The following ZNF99 variants were observed in gnomAD, a reference collection of about 807,000 sequenced individuals.
The protein encoded by ZNF99 is zinc finger protein ENSP00000375192.
A neutral mutation model predicts 12.8 loss-of-function variants in ZNF99; 8 were observed. That is an observed-to-expected ratio of 0.62 (90% confidence interval 0.37 to 1.13). The LOEUF is 1.13. ZNF99 is among the 50% of genes most tolerant of loss of function. The probability of loss-of-function intolerance (pLI) is 0.02; values close to 1 mark genes in which losing one functional copy is unlikely to be tolerated. For synonymous variants in ZNF99, 318 were observed against 319.0 expected (o/e 1.00, Z 0.03); for missense variants, 1,007 against 1,006.2 (o/e 1.00, Z -0.01).
intron 1 of ZNF99, among the ~76,000 whole-genome samples, chr19:22,770,203 G>A (rs1446165451): frequency 3.3e-5 from 5 of 152,126 alleles, no homozygotes; most frequent in South Asian, 4.1e-4. Context: ...AAACAAAGAC[G>A]AGAGCCCTCA....
At chr19:22,763,655 A>G (rs1973173384) in intron 3 of ZNF99, among the ~76,000 whole-genome samples, 1 of 152,144 alleles carries the variant, frequency 6.6e-6, no homozygotes, top group Admixed American at 6.5e-5. Flanking sequence ...GAACAAAAAA[A>G]GAGCCTGCAT....
intron 3 of ZNF99, among the ~76,000 whole-genome samples, chr19:22,763,720 C>T (rs1311471390): frequency 2.0e-5 from 3 of 152,048 alleles, no homozygotes; most frequent in African/African-American, 7.2e-5. Flanking sequence ...CACTACCTGA[C>T]TTCAAACTAT....
At position 22,757,896 on chromosome 19, in the gene ZNF99, A is replaced by G. The variant is rs775561073; in HGVS notation, c.2013T>C (p.His671=). ...CACATTTGTAGGGTTTCTCTTCAGTATGAATTACTTTATGTCTAGTAAGGT... is the reference window on the plus strand; with the variant it reads ...CACATTTGTAGGGTTTCTCTTCAGTGTGAATTACTTTATGTCTAGTAAGGT... ...SSHLTRHKVI[H]TEEKPYKCEE... is the part of the protein sequence containing the mutation. The change falls in exon 4 of 4, where the codon CAT becomes CAC. Residue 671 remains histidine, a synonymous_variant. Coordinates refer to ENST00000596209, the MANE Select transcript of ZNF99 (RefSeq NM_001080409.3). 3.1e-6 allele frequency: 5 copies of G among 1,612,604 alleles called. No individual in the cohort carries two copies. The highest frequency in any genetic ancestry group is 3.3e-5 in the Admixed American group (2 of 59,934).
intron 3 of ZNF99, among the ~76,000 whole-genome samples, chr19:22,762,217 C>A (rs55903742): frequency 0.35 from 53,471 of 151,658 alleles, 9,946 homozygotes; most frequent in African/African-American, 0.5. Flanking sequence ...CTCTTTAAAA[C>A]GCATAAATAC....
chr19:22,761,020 A>G (rs1288904289), intron 3 of ZNF99, among the ~76,000 whole-genome samples: 1 of 151,962 alleles, frequency 6.6e-6, no homozygotes, highest in Non-Finnish European at 1.5e-5. Context: ...TGTAACAGGT[A>G]GCTTTTTTGA....
intron 1 of ZNF99, among the ~76,000 whole-genome samples, chr19:22,776,138 A>C (rs1175078128): frequency 7.3e-5 from 11 of 150,928 alleles, no homozygotes. Flanking sequence ...ATCACTTGAG[A>C]TCAGGAGTTT....
chr19:22,755,535 A>C lies in ZNF99; in HGVS notation c.*1779T>G. 1 of 308,836 alleles carries C rather than the reference A, an allele frequency of 3.2e-6. No homozygotes were observed. The allele number at this position is 308,836 out of a possible 1,614,324, so 19.1% of individuals were successfully genotyped here. A position where few individuals can be genotyped will look rare whatever the true frequency, so the allele number is the denominator to read the frequency against. ...GCTTTGCCACATTCTTCACATTTGT[A>C]AAGTATCTCTCCAGTATGAATTATC... is the stretch of plus-strand genomic sequence containing the variant. On this transcript the variant is annotated 3_prime_UTR_variant, in exon 4 of 4. Transcript: ENST00000596209.
At chr19:22,780,215 T>C (rs1055223908) in intron 1 of ZNF99, among the ~76,000 whole-genome samples, 1 of 152,204 alleles carries the variant, frequency 6.6e-6, no homozygotes, top group Non-Finnish European at 1.5e-5. Context: ...TTAATCTTCA[T>C]GTCAGAGTTA....
intron 1 of ZNF99, among the ~76,000 whole-genome samples, chr19:22,772,406 C>T (rs557229656): frequency 3.3e-5 from 5 of 152,178 alleles, no homozygotes; most frequent in Admixed American, 6.5e-5. Context: ...AAAAGAAGGT[C>T]GGGTACGGTG....
chr19:22,766,712 C>T (rs1354382743), intron 3 of ZNF99, among the ~76,000 whole-genome samples: 4 of 149,708 alleles, frequency 2.7e-5, no homozygotes, highest in Non-Finnish European at 4.4e-5. Flanking sequence ...AGTGCAATGG[C>T]GCCATCTCGG....
Position 22,752,928 on chromosome 19 carries a change from G to C in ZNF99, c.*4386C>G, listed in dbSNP as rs914203855. 8.6e-5 allele frequency: 13 copies of C among 152,012 alleles called. No individual in the cohort carries two copies. The highest frequency in any genetic ancestry group is 2.9e-4 in the African/African-American group (12 of 41,490). The allele number at this position is 152,012 out of a possible 1,614,324, so 9.4% of individuals were successfully genotyped here. On this transcript the variant is annotated 3_prime_UTR_variant, in exon 4 of 4. Transcript: ENST00000596209. ...CAATATTTTAAGTTAACCACAAAAA[G>C]CCTCTCCATTTAGATTTTTATCATG... is the stretch of plus-strand genomic sequence containing the variant.
intron 1 of ZNF99, among the ~76,000 whole-genome samples, chr19:22,772,932 T>G (rs1458137522): frequency 6.6e-6 from 1 of 152,148 alleles, no homozygotes; most frequent in African/African-American, 2.4e-5. Flanking sequence ...CATGTGTACA[T>G]GTCTACTCAA....
intron 1 of ZNF99, 41 bp downstream of exon 1, chr19:22,783,973 G>A: frequency 6.2e-7 from 1 of 1,613,568 alleles, no homozygotes; most frequent in Non-Finnish European, 8.5e-7. Flanking sequence ...GTTCCAGTCA[G>A]CCCCTTCCCC....
chr19:22,756,473 G>C lies in ZNF99; in HGVS notation c.*841C>G. 1.3e-6 allele frequency: 2 copies of C among 1,594,264 alleles called. No individual in the cohort carries two copies. The highest frequency in any genetic ancestry group is 1.7e-6 in the Non-Finnish European group (2 of 1,173,202). On this transcript the variant is annotated 3_prime_UTR_variant, in exon 4 of 4. Coordinates refer to ENST00000596209, the MANE Select transcript of ZNF99 (RefSeq NM_001080409.3). The stretch of plus-strand genomic sequence containing the variant: ...CATTTGTAGGGTTTCTTTCCAGTAT[G>C]AATTATCCTATGTTTAGTAAGGCGT...
At chr19:22,783,917 G>T (rs1285597409) in intron 1 of ZNF99, 97 bp downstream of exon 1, 2 of 1,480,420 alleles carry the variant, frequency 1.4e-6, no homozygotes, top group African/African-American at 2.8e-5. Flanking sequence ...AGACTGTGGA[G>T]CTCACTGAGG....
At chr19:22,765,280 C>G (rs1366917717) in intron 3 of ZNF99, among the ~76,000 whole-genome samples, 2 of 152,018 alleles carry the variant, frequency 1.3e-5, no homozygotes, top group African/African-American at 4.8e-5. Flanking sequence ...GGGAGTTAAG[C>G]TATGAGGATG....
intron 3 of ZNF99, among the ~76,000 whole-genome samples, chr19:22,767,127 A>C (rs1037004107): frequency 6.8e-6 from 1 of 147,086 alleles, no homozygotes; most frequent in South Asian, 2.1e-4. Flanking sequence ...AAAAAAAAAA[A>C]CCAAAAAACT....
rs543908725 is a variant in ZNF99, at chr19:22,758,796, A to G, written c.1113T>C (p.Tyr371=). 2.9e-5 allele frequency: 47 copies of G among 1,603,768 alleles called. No homozygotes were observed. In the South Asian group the frequency reaches 4.1e-4, roughly 14 times the overall value. The part of the protein sequence containing the change: ...IIHTEEKPYK[Y]EECGKAFSNL... ...TGCTAAAAGCTTTGCCGCATTCTTC[A>G]TATTTGTAGGGTTTCTCTTCAGTAT... The change falls in exon 4 of 4, where the codon TAT becomes TAC. Residue 371 remains tyrosine (Y), a synonymous_variant. Transcript: ENST00000596209.
Position 22,759,067 on chromosome 19 carries a change from C to A in ZNF99, c.842G>T (p.Gly281Val). The A allele has an allele frequency of 6.2e-7, 1 of 1,612,940 alleles. No individual in the cohort carries two copies. The highest frequency in any genetic ancestry group is 1.1e-5 in the South Asian group (1 of 90,988). The change falls in exon 4 of 4, where the codon GGG (glycine) becomes GTG (valine). Residue 281 changes from glycine to valine, a missense_variant. Coordinates refer to ENST00000596209, the MANE Select transcript of ZNF99 (RefSeq NM_001080409.3). ...TLMKHKIIHT[G>V]KKPYKCEECG... The stretch of plus-strand genomic sequence containing the variant: ...TTCTTCACATTTATATGGTTTCTTC[C>A]CAGTATGAATTATCTTATGTTTCAT...
Sources: allele counts gnomAD v4.1 joint callset (sites outside exome capture counted in the v4.1 genomes callset), GRCh38; gene constraint gnomAD v4.1.1; transcripts MANE v1.5; gene names NCBI Gene and HGNC (gene_info 2026-07-23, HGNC 2026-07-21).